LIN54: variants seen among roughly 807,000 people sequenced by gnomAD.
The protein encoded by LIN54 is lin-54 DREAM MuvB core complex component, also known as protein lin-54 homolog.
Under a neutral mutation model 78.7 loss-of-function variants are expected in LIN54, and 9 were observed. The ratio of observed to expected loss-of-function variants is 0.11; its 90% CI spans 0.07 to 0.20. The LOEUF is 0.20. Among genes scored for constraint, LIN54 ranks in the 10% least tolerant of loss-of-function variants. The pLI, the probability that LIN54 is intolerant of heterozygous loss-of-function variation, is 1.00. For synonymous variants in LIN54, 269 were observed against 318.4 expected (o/e 0.84, Z 1.65); for missense variants, 573 against 889.9 (o/e 0.64, Z 4.53).
intron 4 of LIN54, among the ~76,000 whole-genome samples, chr4:82,960,075 A>G (rs1379483874): frequency 6.6e-6 from 1 of 152,212 alleles, no homozygotes; most frequent in Non-Finnish European, 1.5e-5. Flanking sequence ...TTTTTTACCA[A>G]AACATATCAA....
chr4:82,968,571 G>C (rs574330304), intron 4 of LIN54, among the ~76,000 whole-genome samples: 1 of 151,850 alleles, frequency 6.6e-6, no homozygotes, highest in South Asian at 2.1e-4. Context: ...ATGAAGTACT[G>C]CAATAATCTC....
chr4:82,968,471 G>A (rs1403486584), intron 4 of LIN54, among the ~76,000 whole-genome samples: 3 of 152,038 alleles, frequency 2.0e-5, no homozygotes, highest in Admixed American at 6.6e-5. Context: ...AAATACAGGA[G>A]TCATCCTAGA....
Position 82,947,209 on chromosome 4 carries a change from A to T in LIN54, c.952-735T>A, listed in dbSNP as rs1213411652. On this transcript the variant is annotated intron_variant, in intron 4 of 12. Transcript: ENST00000340417. ...TATTCCCTGAGTCAAAAAAAAATTT[A>T]TATATATATATATATATATATATAT... Among the ~76,000 whole-genome samples the T allele has an allele frequency of 4.9e-4, 9 of 18,550 alleles. No individual in the cohort carries two copies. In the East Asian group the frequency reaches 7.4e-3, roughly 15 times the overall value. 12.2% of individuals were successfully genotyped at this position (18,550 alleles called of 152,430 possible).
intron 3 of LIN54, among the ~76,000 whole-genome samples, chr4:82,973,373 G>A (rs1725847389): frequency 6.6e-6 from 1 of 152,046 alleles, no homozygotes; most frequent in Non-Finnish European, 1.5e-5. Flanking sequence ...TATTCTTTTT[G>A]AGGGTCTGCT....
chr4:82,960,321 G>GT (rs142338167), intron 4 of LIN54, among the ~76,000 whole-genome samples: 1 of 151,898 alleles, frequency 6.6e-6, no homozygotes, highest in African/African-American at 2.4e-5. Flanking sequence ...CACACCAGCG[G>GT]TGTGTAGAGT....
intron 11 of LIN54, 86 bp from the exon 12 acceptor site, chr4:82,931,231 T>C: frequency 2.2e-6 from 2 of 919,476 alleles, no homozygotes; most frequent in Non-Finnish European, 3.5e-6. Flanking sequence ...CAACAGCTAA[T>C]AGCATTACCT....
intron 1 of LIN54, among the ~76,000 whole-genome samples, chr4:82,988,377 T>C (rs1727355167): frequency 6.6e-6 from 1 of 152,212 alleles, no homozygotes; most frequent in Non-Finnish European, 1.5e-5. Context: ...TACTGCTGAG[T>C]AATATTCCAT....
In LIN54 at chr4:82,977,104, C is replaced by T. The variant is rs562708968; in HGVS notation, c.808+1779G>A. Reference sequence around the variant, plus strand: ...CCAAAAATTCATTCAGACACTTCCGCGAACACCACAATTGTTTACCATACA... The same window carrying T: ...CCAAAAATTCATTCAGACACTTCCGTGAACACCACAATTGTTTACCATACA... On this transcript the variant is annotated intron_variant, in intron 3 of 12. Coordinates refer to ENST00000340417, the MANE Select transcript of LIN54 (RefSeq NM_194282.4). Among the ~76,000 whole-genome samples, 5 of 152,238 alleles carry T rather than the reference C, an allele frequency of 3.3e-5. No individual in the cohort carries two copies. The East Asian group carries it at 5.8e-4, about 18-fold the overall frequency.
chr4:82,968,712 C>G (rs1197501150), intron 4 of LIN54, among the ~76,000 whole-genome samples: 1 of 152,182 alleles, frequency 6.6e-6, no homozygotes. Flanking sequence ...GTCCCCAGTA[C>G]TAACTGCAGC....
chr4:82,963,851 C>A (rs943451575), intron 4 of LIN54, among the ~76,000 whole-genome samples: 2 of 152,092 alleles, frequency 1.3e-5, no homozygotes, highest in East Asian at 3.8e-4. Flanking sequence ...ATCATATCAA[C>A]AATTACATTA....
chr4:82,942,218 G>A (rs911453225), intron 5 of LIN54, among the ~76,000 whole-genome samples: 1 of 152,296 alleles, frequency 6.6e-6, no homozygotes, highest in East Asian at 1.9e-4. Context: ...GAGAATCTTA[G>A]AGTAGGCACT....
rs978330806 is a variant in LIN54, at chr4:82,956,786, T to C, written c.952-10312A>G. Among the ~76,000 whole-genome samples, 16 of 151,958 alleles carry C rather than the reference T, an allele frequency of 1.1e-4. 1 individual carries two copies. Among genetic ancestry groups the C allele is most frequent in the Admixed American group, 9.2e-4 (14 of 15,224 alleles). On this transcript the variant is annotated intron_variant, in intron 4 of 12. Coordinates refer to ENST00000340417, the MANE Select transcript of LIN54 (RefSeq NM_194282.4). ...GTGGAGGGGTGGGAGGAGTCTTTCT[T>C]CTTTTTCTTAAAAAAACATAGAGAC...
At chr4:82,949,645 C>T (rs1369236310) in intron 4 of LIN54, among the ~76,000 whole-genome samples, 1 of 151,744 alleles carries the variant, frequency 6.6e-6, no homozygotes, top group Non-Finnish European at 1.5e-5. Flanking sequence ...GATCGGCCTC[C>T]CTCAGCTTCC....
At chr4:82,964,118 T>C (rs1725021941) in intron 4 of LIN54, among the ~76,000 whole-genome samples, 1 of 152,066 alleles carries the variant, frequency 6.6e-6, no homozygotes, top group Non-Finnish European at 1.5e-5. Context: ...CGGTACAATC[T>C]TGGCTCACTG....
At chr4:83,002,045 T>G (rs1294631860) in intron 1 of LIN54, among the ~76,000 whole-genome samples, 1 of 148,662 alleles carries the variant, frequency 6.7e-6, no homozygotes, top group African/African-American at 2.5e-5. Flanking sequence ...GGGGACAACT[T>G]GATGGAGATG....
Position 82,939,973 on chromosome 4 carries a change from A to C in LIN54, c.1169-11T>G. 6.3e-7 allele frequency: 1 copy of C among 1,580,394 alleles called. No individual in the cohort carries two copies. Among genetic ancestry groups the C allele is most frequent in the Admixed American group, 1.9e-5 (1 of 52,522 alleles). On this transcript the variant is annotated splice_polypyrimidine_tract_variant and intron_variant, in intron 5 of 12. Coordinates refer to ENST00000340417, the MANE Select transcript of LIN54 (RefSeq NM_194282.4). ...CAACCACTGGCTTTGCTTTTTAAAA[A>C]ACAAAAGAAGGATGAACAAGTTATT...
At chr4:82,971,519 T>C (rs928401378) in intron 3 of LIN54, among the ~76,000 whole-genome samples, 3 of 150,586 alleles carry the variant, frequency 2.0e-5, no homozygotes, top group African/African-American at 7.3e-5. Context: ...AATTTTTAAA[T>C]TTTTTTTAAA....
chr4:82,937,188 A>T (rs779899400), intron 9 of LIN54, 39 bp downstream of exon 9: 20 of 994,564 alleles, frequency 2.0e-5, no homozygotes, highest in Non-Finnish European at 3.1e-5. Flanking sequence ...GTGCATTTCT[A>T]ATTACATTAA....
chr4:82,939,866 G>A, intron 6 of LIN54, 23 bp downstream of exon 6: 1 of 1,603,730 alleles, frequency 6.2e-7, no homozygotes, highest in Non-Finnish European at 8.5e-7. Context: ...GAAAGACTGA[G>A]AAAGAAGTTA....
Sources: gnomAD v4.1 joint callset for allele counts (sites outside exome capture counted in the v4.1 genomes callset) on GRCh38, gnomAD v4.1.1 for gene constraint, MANE v1.5 for transcripts, NCBI Gene and HGNC (gene_info 2026-07-23, HGNC 2026-07-21) for gene names.